The following RNF19A variants were observed in gnomAD, a reference collection of about 807,000 sequenced individuals.
The protein encoded by RNF19A is E3 ubiquitin-protein ligase RNF19A.
Under a neutral mutation model 75.7 loss-of-function variants are expected in RNF19A, and 32 were observed. That is an observed-to-expected ratio of 0.42 (90% confidence interval 0.32 to 0.57). The LOEUF is 0.57. Ranked by LOEUF, RNF19A falls within the 20% of genes least tolerant of loss-of-function variation. The pLI is 0.10. For missense variants in RNF19A, 782 were observed against 1,036.3 expected (o/e 0.75, Z 3.37); for synonymous variants, 335 against 345.2 (o/e 0.97, Z 0.33).
chr8:100,275,178 A>C lies in RNF19A; in HGVS notation c.675-17T>G, dbSNP rs769332178. On this transcript the variant is annotated splice_polypyrimidine_tract_variant and intron_variant, in intron 2 of 9. Coordinates refer to ENST00000341084, the MANE Select transcript of RNF19A (RefSeq NM_183419.4). This position sits in a 1 kb window ranked among gnomAD's most constrained non-coding sequence, Gnocchi z 4.3. ...ACAGCATATCTTGAAAGAACAAGAAAAATGATTTAAAATGTGACATAAAAC... is the reference window on the plus strand; with the variant it reads ...ACAGCATATCTTGAAAGAACAAGAACAATGATTTAAAATGTGACATAAAAC... 6.2e-7 allele frequency: 1 copy of C among 1,600,688 alleles called. No individual in the cohort carries two copies. The highest frequency in any genetic ancestry group is 1.7e-5 in the Admixed American group (1 of 59,780).
chr8:100,296,341 G>A (rs1821561840), intron 1 of RNF19A, among the ~76,000 whole-genome samples: 1 of 152,156 alleles, frequency 6.6e-6, no homozygotes, highest in African/African-American at 2.4e-5. Flanking sequence ...CTGGCCTCAA[G>A]TGATTTTCCT....
At chr8:100,274,613 GGCCT>G (rs1820414303) in intron 3 of RNF19A, among the ~76,000 whole-genome samples, 1 of 152,128 alleles carries the variant, frequency 6.6e-6, no homozygotes, top group Admixed American at 6.5e-5. Context: ...TCGAACTCCT[GGCCT>G]TAAGTGGTCG....
At chr8:100,307,787 C>T (rs1822121134) in intron 1 of RNF19A, among the ~76,000 whole-genome samples, 2 of 152,100 alleles carry the variant, frequency 1.3e-5, no homozygotes, top group African/African-American at 2.4e-5. Flanking sequence ...TTGGGAAGTG[C>T]ATTTACTTTC....
rs776454129 is a variant in RNF19A, at chr8:100,274,983, T to G, written c.853A>C (p.Ile285Leu). The change falls in exon 3 of 10, where the codon ATT becomes CTT. Residue 285 changes from isoleucine (I) to leucine (L), a missense_variant. Ile to Leu is a conservative substitution (Grantham distance 5, BLOSUM62 2). Around this residue, in one of 7 missense-constraint regions of RNF19A, gnomAD observed 34 missense variants for 25.2 expected, o/e 1.35. Transcript: ENST00000341084. Reference sequence around the variant, plus strand: ...GCTCCAGACTCTTGACTATAACTAATGGATGAAGAACGTATAGTTCTCAAA... The same window carrying G: ...GCTCCAGACTCTTGACTATAACTAAGGGATGAAGAACGTATAGTTCTCAAA... ...LRLRTIRSSSISYSQESGAAA... is the reference protein window; with the variant it reads ...LRLRTIRSSSLSYSQESGAAA... 6.2e-7 allele frequency: 1 copy of G among 1,613,960 alleles called. No homozygotes were observed. The highest frequency in any genetic ancestry group is 1.3e-5 in the African/African-American group (1 of 74,930).
At chr8:100,283,091 G>T (rs1820856898) in intron 2 of RNF19A, among the ~76,000 whole-genome samples, 1 of 152,164 alleles carries the variant, frequency 6.6e-6, no homozygotes, top group African/African-American at 2.4e-5. Flanking sequence ...TCCTTGGGAG[G>T]CTCAGAGACA....
At chr8:100,309,203 C>T in intron 1 of RNF19A, 1 of 548,634 alleles carries the variant, frequency 1.8e-6, no homozygotes, top group Non-Finnish European at 2.3e-6. Context: ...TCCCGGAAGA[C>T]CCCCGTTAAC....
At position 100,324,790 on chromosome 8, in the gene RNF19A, T is replaced by G. The variant is rs948794150; in HGVS notation, c.-243+11318A>C. Among the ~76,000 whole-genome samples, 2 of 152,092 alleles carry G rather than the reference T, an allele frequency of 1.3e-5. No homozygotes were observed. Among genetic ancestry groups the G allele is most frequent in the Non-Finnish European group, 1.5e-5 (1 of 67,988 alleles). On this transcript the variant is annotated intron_variant, in intron 1 of 3. Transcript: ENST00000519527. This position sits in a 1 kb window ranked among gnomAD's most constrained non-coding sequence, Gnocchi z 4.2. ...GATTAAAGGCATTGATCTATCTTTTTTCTTTCTTTCTCTTTCTTCTTCCTT... is the reference window on the plus strand; with the variant it reads ...GATTAAAGGCATTGATCTATCTTTTGTCTTTCTTTCTCTTTCTTCTTCCTT...
chr8:100,319,449 A>G (rs1822432657), intron 1 of RNF19A, among the ~76,000 whole-genome samples: 1 of 151,864 alleles, frequency 6.6e-6, no homozygotes, highest in Non-Finnish European at 1.5e-5. Context: ...GTTGAGGCCT[A>G]CTTTGCACCT....
rs1349560815 is a variant in RNF19A, at chr8:100,269,532, G to GA, written c.1028+336dup. Among the ~76,000 whole-genome samples the GA allele has an allele frequency of 2.6e-5, 4 of 152,006 alleles. No homozygotes were observed. The highest frequency in any genetic ancestry group is 5.9e-5 in the Non-Finnish European group (4 of 67,968). ...GCATATTTTTAGGCATCAATTATCT[G>GA]ATTATATCATAAACTCACTCTGTGC... On this transcript the variant is annotated intron_variant, in intron 4 of 9. Transcript: ENST00000341084. The surrounding 1 kb of genome is among the most constrained non-coding windows in gnomAD (Gnocchi z 5.7).
Position 100,257,114 on chromosome 8 carries a change from T to A in RNF19A, c.*1442A>T, listed in dbSNP as rs1386224335. 3 of 152,634 alleles carry A rather than the reference T, an allele frequency of 2.0e-5. No individual in the cohort carries two copies. Among genetic ancestry groups the A allele is most frequent in the African/African-American group, 7.2e-5 (3 of 41,458 alleles). The allele number at this position is 152,634 out of a possible 1,614,324, so 9.5% of individuals were successfully genotyped here. ...TAACGTATGCAGTTTACACACTCAT[T>A]ATTAAACAAAATTGGAATGCAAACA... On this transcript the variant is annotated 3_prime_UTR_variant, in exon 10 of 10. Coordinates refer to ENST00000341084, the MANE Select transcript of RNF19A (RefSeq NM_183419.4).
chr8:100,297,656 G>A (rs563743045), intron 1 of RNF19A, among the ~76,000 whole-genome samples: 1 of 152,172 alleles, frequency 6.6e-6, no homozygotes, highest in South Asian at 2.1e-4. Context: ...AGAACTTAGA[G>A]GACAGAGGAG....
intron 7 of RNF19A, among the ~76,000 whole-genome samples, chr8:100,263,346 G>A (rs896319808): frequency 2.0e-5 from 3 of 152,132 alleles, no homozygotes; most frequent in Admixed American, 1.3e-4. Flanking sequence ...TTAAGATGAG[G>A]ACCAAGACCT....
chr8:100,306,161 T>C (rs908158698), intron 1 of RNF19A, among the ~76,000 whole-genome samples: 3 of 152,188 alleles, frequency 2.0e-5, no homozygotes, highest in Admixed American at 6.5e-5. Flanking sequence ...AAGTTAAAAA[T>C]GCTAAGTATA....
intron 5 of RNF19A, among the ~76,000 whole-genome samples, chr8:100,265,287 T>C (rs955868658): frequency 1.3e-5 from 2 of 152,216 alleles, no homozygotes; most frequent in African/African-American, 2.4e-5. Flanking sequence ...ATTATTTTTT[T>C]CTCAGATCCT....
intron 3 of RNF19A, among the ~76,000 whole-genome samples, chr8:100,272,537 A>G (rs1043914720): frequency 6.7e-6 from 1 of 149,662 alleles, no homozygotes; most frequent in Non-Finnish European, 1.5e-5. Flanking sequence ...AGTTCACTAC[A>G]CTTTTTTTTT....
At chr8:100,292,471 C>CGTGT (rs1821353529) in intron 1 of RNF19A, among the ~76,000 whole-genome samples, 1 of 114,236 alleles carries the variant, frequency 8.8e-6, no homozygotes, top group Non-Finnish European at 1.7e-5. Context: ...TGTGTGTGTA[C>CGTGT]GTATAAATTG....
chr8:100,272,276 T>C (rs1820294148), intron 3 of RNF19A, among the ~76,000 whole-genome samples: 1 of 152,088 alleles, frequency 6.6e-6, no homozygotes, highest in African/African-American at 2.4e-5. Flanking sequence ...TAAACACATA[T>C]ATAAACATTA....
At chr8:100,313,215 A>G, upstream of RNF19A, 2 of 498,624 alleles carry the variant, frequency 4.0e-6, no homozygotes, top group Non-Finnish European at 2.6e-6. Flanking sequence ...AAAAGCCTAC[A>G]TATCCGTTTG....
Position 100,322,099 on chromosome 8 carries a change from C to G in RNF19A, c.-242-8727G>C. On this transcript the variant is annotated intron_variant, in intron 1 of 3. Transcript: ENST00000519527. The surrounding 1 kb of genome is among the most constrained non-coding windows in gnomAD (Gnocchi z 5.1). ...TGGCTTCAACATAAAGTCACCCCTG[C>G]ATTAGCCCCTAAGGAGAGAGTCAGC... 6.6e-6 allele frequency among the ~76,000 whole-genome samples: 1 copy of G among 152,316 alleles called. No homozygotes were observed. Among genetic ancestry groups the G allele is most frequent in the Admixed American group, 6.5e-5 (1 of 15,298 alleles).
Sources: allele counts gnomAD v4.1 joint callset (sites outside exome capture counted in the v4.1 genomes callset), GRCh38; gene constraint gnomAD v4.1.1; regional missense constraint gnomAD v4.1.1; non-coding constraint Gnocchi (gnomAD v3.1); transcripts MANE v1.5; gene names NCBI Gene and HGNC (gene_info 2026-07-23, HGNC 2026-07-21).